Variants in PLEKHG6 observed in about 807,000 individuals in gnomAD.
PLEKHG6 encodes pleckstrin homology and RhoGEF domain containing G6, also known as pleckstrin homology domain-containing family G member 6.
PLEKHG6 carries 91 observed loss-of-function variants against 97.5 expected under a neutral mutation model. The ratio of observed to expected loss-of-function variants is 0.93; its 90% CI spans 0.79 to 1.11. The LOEUF is 1.11. PLEKHG6 is among the 50% of genes most tolerant of loss of function. The pLI is 0.00. For missense variants in PLEKHG6, 1,044 were observed against 1,031.0 expected, an observed-to-expected ratio of 1.01 and a Z score of -0.17; for synonymous variants, 466 against 425.5, an observed-to-expected ratio of 1.10 and a Z score of -1.17.
At chr12:6,311,518 G>A (rs1229028069) in intron 1 of PLEKHG6, among the ~76,000 whole-genome samples, 1 of 152,198 alleles carries the variant, frequency 6.6e-6, no homozygotes, top group Non-Finnish European at 1.5e-5. Flanking sequence ...AGCAGTCACA[G>A]GTTATTAGGA....
In PLEKHG6 at chr12:6,317,640, C is replaced by T. The variant is rs774132481; in HGVS notation, c.961C>T (p.His321Tyr). The T allele has an allele frequency of 4.3e-6, 7 of 1,613,908 alleles. No individual in the cohort carries two copies. Among genetic ancestry groups the T allele is most frequent in the African/African-American group, 1.3e-5 (1 of 74,958 alleles). The change falls in exon 9 of 16, where the codon CAT becomes TAT. Residue 321 changes from histidine to tyrosine, a missense_variant. By Grantham distance (83) the His-to-Tyr change is moderately conservative (BLOSUM62 2). Transcript: ENST00000684764. ...CATCACCAAGTACCCACTGCTGCTC[C>T]ATGCTGTGCTCAAGAGGAGCCCCGA... is the stretch of plus-strand genomic sequence containing the variant. ...QRITKYPLLLHAVLKRSPEAR... is the reference protein window; with the variant it reads ...QRITKYPLLLYAVLKRSPEAR...
At position 6,317,781 on chromosome 12, in the gene PLEKHG6, C is replaced by T. The variant is rs1347125217; in HGVS notation, c.1018-76C>T. ...TCTTAGTGTGTCTGTGACAGTGTGG[C>T]GCTGTGCTGTGGCTGGCATTGGTTG... On this transcript the variant is annotated intron_variant, in intron 9 of 15. Transcript: ENST00000684764. The T allele has an allele frequency of 8.3e-6, 13 of 1,557,118 alleles. No homozygotes were observed. The East Asian group carries it at 1.4e-4, about 17-fold the overall frequency.
At chr12:6,320,457 C>T (rs1324121201) in intron 13 of PLEKHG6, among the ~76,000 whole-genome samples, 3 of 152,178 alleles carry the variant, frequency 2.0e-5, no homozygotes, top group African/African-American at 7.2e-5. Context: ...CTTGCCTCTT[C>T]CAGCTCCTGG....
chr12:6,322,190 T>A (rs1592032661), intron 13 of PLEKHG6, among the ~76,000 whole-genome samples: 1 of 152,170 alleles, frequency 6.6e-6, no homozygotes, highest in Non-Finnish European at 1.5e-5. Context: ...CAGACAGAAA[T>A]GCAGTCATTA....
At position 6,313,740 on chromosome 12, in the gene PLEKHG6, G is replaced by A. The variant is rs200768262; in HGVS notation, c.250G>A (p.Gly84Arg). The A allele has an allele frequency of 1.4e-4, 223 of 1,608,802 alleles. No homozygotes were observed. The highest frequency in any genetic ancestry group is 1.7e-4 in the Middle Eastern group (1 of 6,018). ...LRDPEPEKRH[G>R]GHVGAGLLHS... ...AGATCCAGAGCCCGAGAAGAGGCAC[G>A]GGGGCCATGTGGGGGCTGGCCTGCT... Residue 84 changes from glycine to arginine, a missense_variant, in exon 3 of 16, where the codon GGG becomes AGG. Gly to Arg is a moderately radical substitution (Grantham distance 125). Transcript: ENST00000684764.
Position 6,316,009 on chromosome 12 carries a change from TC to T in PLEKHG6, c.606+93del. ...GCCCTCCAGCCATCCCTGTCTGAAT[TC>T]CCACTGCCCCGTTTTTTGGGATGCC... On this transcript the variant is annotated intron_variant, in intron 6 of 15. Transcript: ENST00000684764. The surrounding 1 kb of genome is among the most constrained non-coding windows in gnomAD (Gnocchi z 4.1). 2 of 1,250,194 alleles carry T rather than the reference TC, an allele frequency of 1.6e-6. No homozygotes were observed. Among genetic ancestry groups the T allele is most frequent in the Non-Finnish European group, 2.2e-6 (2 of 895,364 alleles). 77.4% of individuals were successfully genotyped at this position (1,250,194 alleles called of 1,614,324 possible).
At chr12:6,312,813 T>C in intron 2 of PLEKHG6, 1 of 1,233,904 alleles carries the variant, frequency 8.1e-7, no homozygotes. Flanking sequence ...GTGCCTGCCT[T>C]GGCTCCACCC....
chr12:6,317,887 A>C lies in PLEKHG6; in HGVS notation c.1048A>C (p.Ile350Leu), dbSNP rs539641667. 1.9e-6 allele frequency: 3 copies of C among 1,557,066 alleles called. No homozygotes were observed. The highest frequency in any genetic ancestry group is 3.9e-5 in the Admixed American group (2 of 51,200). The change falls in exon 10 of 16, where the codon ATC becomes CTC. Residue 350 changes from isoleucine to leucine, a missense_variant. Physicochemically the swap from Ile to Leu is conservative, Grantham distance 5. Transcript: ENST00000684764. ...IEAVESFLRH[I>L]NGQVRQGEEQ... ...AGCCGTGGAGTCATTCCTGCGACAC[A>C]TCAATGGGCAGGTCCGCCAGGGCGA...
chr12:6,327,374 C>T lies in PLEKHG6; in HGVS notation c.1791C>T (p.Thr597=), dbSNP rs775434771. The T allele has an allele frequency of 6.8e-6, 11 of 1,614,042 alleles. No homozygotes were observed. The highest frequency in any genetic ancestry group is 1.3e-5 in the African/African-American group (1 of 74,912). ...DSGYGTLIPG[T]PTGSRSPLSR... is the part of the protein sequence containing the mutation. ...GCTACGGCACTTTGATCCCAGGCAC[C>T]CCCACGGGGTCCCGCTCCCCACTGA... The change falls in exon 15 of 16, where the codon ACC becomes ACT. Residue 597 remains threonine, a synonymous_variant. Coordinates refer to ENST00000684764, the MANE Select transcript of PLEKHG6 (RefSeq NM_001384598.1).
At position 6,318,384 on chromosome 12, in the gene PLEKHG6, G is replaced by A. The variant is rs1947565505; in HGVS notation, c.1239G>A (p.Glu413=). ...AGCACACCAGACAGCTGCTGCTGGA[G>A]GGGCCTGTGCGAGTGAAGGAGGGAC... ...ASEHTRQLLL[E]GPVRVKEGRE... The change falls in exon 11 of 16, where the codon GAG becomes GAA. Residue 413 remains glutamate, a synonymous_variant. Transcript: ENST00000684764. 3 of 1,612,740 alleles carry A rather than the reference G, an allele frequency of 1.9e-6. No individual in the cohort carries two copies. Among genetic ancestry groups the A allele is most frequent in the Admixed American group, 1.7e-5 (1 of 59,700 alleles).
intron 2 of PLEKHG6, 83 bp downstream of exon 2, chr12:6,312,447 G>C (rs1947305844): frequency 2.8e-6 from 4 of 1,412,742 alleles, no homozygotes; most frequent in Admixed American, 2.6e-5. Context: ...TCCCCTTACA[G>C]GTTCAGAGGT....
intron 1 of PLEKHG6, among the ~76,000 whole-genome samples, chr12:6,311,634 G>C (rs1321030665): frequency 6.6e-6 from 1 of 152,068 alleles, no homozygotes; most frequent in East Asian, 1.9e-4. Flanking sequence ...TTTTTTGCAG[G>C]GGGGGCAGCA....
rs141304328 is a variant in PLEKHG6, at chr12:6,327,354, G to A, written c.1771G>A (p.Gly591Ser). Residue 591 changes from glycine to serine, a missense_variant, in exon 15 of 16, where the codon GGC (glycine) becomes AGC (serine). Gly to Ser is a moderately conservative substitution (Grantham distance 56). Transcript: ENST00000684764. Reference protein sequence around the residue: ...VPDDTSDSGYGTLIPGTPTGS... With the variant: ...VPDDTSDSGYSTLIPGTPTGS... ...AGATGATACCTCAGACTCTGGCTACGGCACTTTGATCCCAGGCACCCCCAC... is the reference window on the plus strand; with the variant it reads ...AGATGATACCTCAGACTCTGGCTACAGCACTTTGATCCCAGGCACCCCCAC... 37 of 1,613,994 alleles carry A rather than the reference G, an allele frequency of 2.3e-5. No homozygotes were observed. Among genetic ancestry groups the A allele is most frequent in the African/African-American group, 2.0e-4 (15 of 74,898 alleles).
At position 6,318,435 on chromosome 12, in the gene PLEKHG6, G is replaced by A; in HGVS notation, c.1275+15G>A. The stretch of plus-strand genomic sequence containing the variant: ...GAGAAGGGAAGGTGAGGGTGCTGCG[G>A]ACAGAGTGGAGGGGATGGGGCACGG... On this transcript the variant is annotated intron_variant, in intron 11 of 15. Coordinates refer to ENST00000684764, the MANE Select transcript of PLEKHG6 (RefSeq NM_001384598.1). 6.3e-7 allele frequency: 1 copy of A among 1,598,214 alleles called. No homozygotes were observed.
rs946888174 is a variant in PLEKHG6 at position 6,316,152 on chromosome 12, C to T, written c.607-103C>T. The stretch of plus-strand genomic sequence containing the variant: ...AGTGCCCAGTTCATCCTTCTTCACC[C>T]CCGCCCCTGCTGTCCAAGCTTAAGG... On this transcript the variant is annotated intron_variant, in intron 6 of 15. Transcript: ENST00000684764. This position sits in a 1 kb window ranked among gnomAD's most constrained non-coding sequence, Gnocchi z 4.1. 1 of 1,195,172 alleles carries T rather than the reference C, an allele frequency of 8.4e-7. No homozygotes were observed. Among genetic ancestry groups the T allele is most frequent in the Non-Finnish European group, 1.2e-6 (1 of 867,236 alleles). The allele number at this position is 1,195,172 out of a possible 1,614,324, so 74.0% of individuals were successfully genotyped here. A position where few individuals can be genotyped will look rare whatever the true frequency, so the allele number is the denominator to read the frequency against.
Position 6,318,859 on chromosome 12 carries a change from C to G in PLEKHG6, c.1390C>G (p.Gln464Glu). 1 of 1,614,240 alleles carries G rather than the reference C, an allele frequency of 6.2e-7. No individual in the cohort carries two copies. Among genetic ancestry groups the G allele is most frequent in the Non-Finnish European group, 8.5e-7 (1 of 1,180,048 alleles). Residue 464 changes from glutamine to glutamate, a missense_variant, in exon 12 of 16, where the codon CAA (glutamine) becomes GAA (glutamate). Coordinates refer to ENST00000684764, the MANE Select transcript of PLEKHG6 (RefSeq NM_001384598.1). ...PPLMLEKLVC[Q>E]PLRDPNSFLL... The stretch of plus-strand genomic sequence containing the variant: ...TCTCATGCTGGAGAAGCTCGTGTGC[C>G]AACCCCTGCGAGACCCCAGTACGTC...
rs11612632 is a variant in PLEKHG6, at chr12:6,324,296, C to A, written c.1525-2132C>A. The stretch of plus-strand genomic sequence containing the variant: ...CGGGGCTCCCCCTCGCCCCCCTCCC[C>A]CCCCCGCCGCCTCCTCCAGCCTCTT... On this transcript the variant is annotated intron_variant, in intron 13 of 15. Coordinates refer to ENST00000684764, the MANE Select transcript of PLEKHG6 (RefSeq NM_001384598.1). 3.3e-4 allele frequency among the ~76,000 whole-genome samples: 32 copies of A among 98,300 alleles called. 2 individuals carry two copies. Among genetic ancestry groups the A allele is most frequent in the Admixed American group, 3.0e-3 (32 of 10,526 alleles). The allele number at this position is 98,300 out of a possible 152,430, so 64.5% of individuals were successfully genotyped here. A position where few individuals can be genotyped will look rare whatever the true frequency, so the allele number is the denominator to read the frequency against.
At chr12:6,318,595 G>A in intron 11 of PLEKHG6, 150 bp from the exon 12 acceptor site, 1 of 1,137,514 alleles carries the variant, frequency 8.8e-7, no homozygotes. Context: ...AGTGAGAGAT[G>A]TGACCAAAGC....
rs763403215 is a variant in PLEKHG6, at chr12:6,327,696, G to T, written c.2113G>T (p.Gly705Trp). The T allele has an allele frequency of 1.9e-6, 3 of 1,561,126 alleles. No individual in the cohort carries two copies. The highest frequency in any genetic ancestry group is 1.9e-5 in the Admixed American group (1 of 52,626). ...PSSPTHADSAGESPWESSGEE... is the reference protein window; with the variant it reads ...PSSPTHADSAWESPWESSGEE... ...CTCCCCAACCCATGCTGACTCTGCC[G>T]GGGAAAGCCCCTGGGAGTCCTCAGG... is the stretch of plus-strand genomic sequence containing the variant. The change falls in exon 15 of 16, where the codon GGG becomes TGG. Residue 705 changes from glycine (G) to tryptophan (W), a missense_variant. Coordinates refer to ENST00000684764, the MANE Select transcript of PLEKHG6 (RefSeq NM_001384598.1).
Sources: allele counts gnomAD v4.1 joint callset (sites outside exome capture counted in the v4.1 genomes callset), GRCh38; gene constraint gnomAD v4.1.1; non-coding constraint Gnocchi (gnomAD v3.1); transcripts MANE v1.5; gene names NCBI Gene and HGNC (gene_info 2026-07-23, HGNC 2026-07-21).